Variants in KCTD3 observed in about 807,000 individuals in gnomAD.
KCTD3 encodes the protein BTB/POZ domain-containing protein KCTD3.
In KCTD3, 41 loss-of-function variants were observed where a neutral mutation model predicts 85.8. The ratio of observed to expected loss-of-function variants is 0.48; its 90% CI spans 0.37 to 0.62. The LOEUF (loss-of-function observed/expected upper bound fraction) is 0.62. Among genes scored for constraint, KCTD3 ranks in the 20% least tolerant of loss-of-function variants. The pLI is 0.00. For missense variants in KCTD3, 724 were observed against 989.9 expected (o/e 0.73, Z 3.60); for synonymous variants, 338 against 345.4 (o/e 0.98, Z 0.24).
chr1:215,620,261 G>A lies in KCTD3; in HGVS notation c.2091G>A (p.Val697=). ...ACTTGGGTCCAATACAAGCTGAAGT[G>A]AAAGGGGCAACAGGGGAATGTAATA... The part of the protein sequence containing the change: ...NGNLGPIQAE[V]KGATGECNIS... The change falls in exon 18 of 18, where the codon GTG becomes GTA. Residue 697 remains valine (V), a synonymous_variant. Transcript: ENST00000259154. 1 of 1,613,954 alleles carries A rather than the reference G, an allele frequency of 6.2e-7. No homozygotes were observed. The highest frequency in any genetic ancestry group is 1.1e-5 in the South Asian group (1 of 91,076).
In KCTD3 at chr1:215,579,148, A is replaced by G. The variant is rs748301679; in HGVS notation, c.535+11A>G. Reference sequence around the variant, plus strand: ...AAACTGTTAGGCTAGGTAAGCAAAGATTACAGAAATAGAAAAAGAAAAATA... The same window carrying G: ...AAACTGTTAGGCTAGGTAAGCAAAGGTTACAGAAATAGAAAAAGAAAAATA... On this transcript the variant is annotated intron_variant, in intron 7 of 17. Coordinates refer to ENST00000259154, the MANE Select transcript of KCTD3 (RefSeq NM_016121.5). The G allele has an allele frequency of 3.1e-6, 5 of 1,606,240 alleles. No homozygotes were observed. Among genetic ancestry groups the G allele is most frequent in the African/African-American group, 2.7e-5 (2 of 74,336 alleles).
Position 215,606,628 on chromosome 1 carries a change from C to T in KCTD3, c.1310-1389C>T, listed in dbSNP as rs1233845526. 2.0e-5 allele frequency among the ~76,000 whole-genome samples: 3 copies of T among 151,850 alleles called. No homozygotes were observed. In the East Asian group the frequency reaches 5.8e-4, roughly 29 times the overall value. ...TATAATGTTATTGTGGGATGTGATA[C>T]CAAGGAACTACTTTGTAAAACTTGC... On this transcript the variant is annotated intron_variant, in intron 13 of 17. Coordinates refer to ENST00000259154, the MANE Select transcript of KCTD3 (RefSeq NM_016121.5).
At chr1:215,615,295 G>A (rs1017372676) in intron 15 of KCTD3, among the ~76,000 whole-genome samples, 1 of 152,236 alleles carries the variant, frequency 6.6e-6, no homozygotes, top group Non-Finnish European at 1.5e-5. Flanking sequence ...AAAAAACCTT[G>A]TAGAAAATTT....
At chr1:215,585,801 A>G (rs1008064349) in intron 8 of KCTD3, among the ~76,000 whole-genome samples, 5 of 152,230 alleles carry the variant, frequency 3.3e-5, no homozygotes, top group Admixed American at 6.5e-5. Flanking sequence ...GAAATTAGGT[A>G]TTAAAGAATA....
chr1:215,617,635 C>T (rs912386668), intron 15 of KCTD3, among the ~76,000 whole-genome samples: 34 of 151,510 alleles, frequency 2.2e-4, no homozygotes, highest in Non-Finnish European at 3.5e-4. Flanking sequence ...GGATAGCTGA[C>T]CTCTCTCTTC....
rs914174367 is a variant in KCTD3, at chr1:215,620,549, T to A, written c.2379T>A (p.Ser793=). Residue 793 remains serine, a synonymous_variant, in exon 18 of 18, where the codon TCT becomes TCA. Coordinates refer to ENST00000259154, the MANE Select transcript of KCTD3 (RefSeq NM_016121.5). ...GTDSPGTASP[S]PTKTTPSPRH... ...ACTCACCTGGTACTGCGTCCCCATC[T>A]CCTACAAAGACTACTCCATCTCCTC... 6.8e-6 allele frequency: 11 copies of A among 1,613,548 alleles called. No homozygotes were observed. The Admixed American group carries it at 1.5e-4, about 22-fold the overall frequency.
intron 4 of KCTD3, among the ~76,000 whole-genome samples, chr1:215,576,598 G>A (rs1659592211): frequency 6.6e-6 from 1 of 151,402 alleles, no homozygotes; most frequent in African/African-American, 2.4e-5. Context: ...AAAGTTTGAA[G>A]CTTTTTTTTT....
chr1:215,578,954 G>T (rs746406363), intron 6 of KCTD3, 46 bp from the exon 7 acceptor site: 26 of 1,375,432 alleles, frequency 1.9e-5, no homozygotes, highest in Non-Finnish European at 2.4e-5. Flanking sequence ...TTTAATTTTT[G>T]AAAGGTGAAC....
chr1:215,620,692 G>C lies in KCTD3; in HGVS notation c.*74G>C. On this transcript the variant is annotated 3_prime_UTR_variant, in exon 18 of 18. Coordinates refer to ENST00000259154, the MANE Select transcript of KCTD3 (RefSeq NM_016121.5). ...AACTTTACTGAATTTCAGTACATTA[G>C]TTTTTACACTAAAACTTTACAAGAT... 2.0e-6 allele frequency: 2 copies of C among 1,008,034 alleles called. No homozygotes were observed. The highest frequency in any genetic ancestry group is 2.9e-6 in the Non-Finnish European group (2 of 691,634). 62.4% of individuals were successfully genotyped at this position (1,008,034 alleles called of 1,614,324 possible).
rs528463231 is a variant in KCTD3, at chr1:215,597,267, C to T, written c.933+1796C>T. ...AAAGAAATGTTTCAGTTTCTTGTTT[C>T]CTTTTTTTGTTTAATTCCACCCCCT... On this transcript the variant is annotated intron_variant, in intron 10 of 17. Coordinates refer to ENST00000259154, the MANE Select transcript of KCTD3 (RefSeq NM_016121.5). Among the ~76,000 whole-genome samples, 387 of 151,328 alleles carry T rather than the reference C, an allele frequency of 2.6e-3. 1 individual carries two copies. The highest frequency in any genetic ancestry group is 3.7e-3 in the Non-Finnish European group (250 of 67,798).
chr1:215,595,041 T>C (rs538046509), intron 9 of KCTD3, among the ~76,000 whole-genome samples: 55 of 152,300 alleles, frequency 3.6e-4, no homozygotes, highest in African/African-American at 7.2e-4. Context: ...AGGATCCTTT[T>C]TGTTTTGTTT....
At chr1:215,605,041 T>C (rs986897576) in intron 13 of KCTD3, among the ~76,000 whole-genome samples, 1 of 152,176 alleles carries the variant, frequency 6.6e-6, no homozygotes, top group Non-Finnish European at 1.5e-5. Context: ...GTATGGAAGA[T>C]GATTTCTAAA....
At chr1:215,598,655 A>G (rs1654703153) in intron 10 of KCTD3, among the ~76,000 whole-genome samples, 1 of 152,138 alleles carries the variant, frequency 6.6e-6, no homozygotes, top group Non-Finnish European at 1.5e-5. Context: ...AGGACAAATC[A>G]GAAAATGGAG....
At chr1:215,574,039 T>C in intron 2 of KCTD3, 34 bp from the exon 3 acceptor site, 1 of 1,528,430 alleles carries the variant, frequency 6.5e-7, no homozygotes, top group Non-Finnish European at 9.0e-7. Context: ...ACTCAGATTT[T>C]AAAAACTAAC....
chr1:215,570,249 A>G (rs1659310839), intron 1 of KCTD3, among the ~76,000 whole-genome samples: 2 of 151,292 alleles, frequency 1.3e-5, no homozygotes, highest in Non-Finnish European at 2.9e-5. Flanking sequence ...TTTTTCCCTC[A>G]GGAGAATAGA....
intron 10 of KCTD3, among the ~76,000 whole-genome samples, chr1:215,598,529 A>C (rs1219647904): frequency 6.6e-6 from 1 of 150,398 alleles, no homozygotes; most frequent in Non-Finnish European, 1.5e-5. Context: ...ATAACCTCCC[A>C]AAACTTATAA....
intron 9 of KCTD3, among the ~76,000 whole-genome samples, chr1:215,590,307 TG>T (rs768141908): frequency 5.3e-5 from 8 of 152,352 alleles, no homozygotes; most frequent in Non-Finnish European, 8.8e-5. Context: ...TATTTGTAAA[TG>T]TTTTTTACAT....
intron 9 of KCTD3, among the ~76,000 whole-genome samples, chr1:215,587,591 C>G (rs1156758520): frequency 6.6e-6 from 1 of 152,186 alleles, no homozygotes; most frequent in Non-Finnish European, 1.5e-5. Flanking sequence ...CATTGGTTTA[C>G]AGTTTTGTAA....
At chr1:215,619,314 A>T (rs1655576934) in intron 17 of KCTD3, 23 bp downstream of exon 17, 1 of 1,581,210 alleles carries the variant, frequency 6.3e-7, no homozygotes, top group Admixed American at 1.8e-5. Context: ...GTTGGGTATT[A>T]TAAACAAAAT....
Sources: gnomAD v4.1 joint callset for allele counts (sites outside exome capture counted in the v4.1 genomes callset) on GRCh38, gnomAD v4.1.1 for gene constraint, MANE v1.5 for transcripts, NCBI Gene and HGNC (gene_info 2026-07-23, HGNC 2026-07-21) for gene names.